Variants in ELF5 observed in about 807,000 individuals in gnomAD.
ELF5 encodes the protein ETS-related transcription factor Elf-5.
In ELF5, 31 loss-of-function variants were observed where a neutral mutation model predicts 38.2. The observed-to-expected ratio is 0.81, with a 90% confidence interval of 0.61 to 1.10. ELF5 has a LOEUF of 1.10. ELF5 is among the 50% of genes least tolerant of loss of function. The probability of loss-of-function intolerance (pLI) is 0.00; values close to 1 mark genes in which losing one functional copy is unlikely to be tolerated. For synonymous variants in ELF5, 121 were observed against 112.5 expected (o/e 1.08, Z -0.48); for missense variants, 300 against 306.6 (o/e 0.98, Z 0.16).
chr11:34,484,807 G>A (rs1849944519), intron 4 of ELF5, among the ~76,000 whole-genome samples: 1 of 152,024 alleles, frequency 6.6e-6, no homozygotes, highest in African/African-American at 2.4e-5. Context: ...CCTTCCCTTA[G>A]GTCAAATGGT....
At chr11:34,504,450 G>C (rs1038433440) in intron 2 of ELF5, among the ~76,000 whole-genome samples, 2 of 152,078 alleles carry the variant, frequency 1.3e-5, no homozygotes, top group African/African-American at 4.8e-5. Context: ...TGGGGTGGGG[G>C]CAGGTGTGGG....
intron 4 of ELF5, among the ~76,000 whole-genome samples, chr11:34,486,581 T>C (rs4755375): frequency 0.69 from 105,733 of 152,138 alleles, 37,169 homozygotes; most frequent in African/African-American, 0.77. Context: ...TGTGTGTGTG[T>C]GTGCATGTGT....
At chr11:34,501,044 T>A (rs80345696) in intron 2 of ELF5, among the ~76,000 whole-genome samples, 2,879 of 152,310 alleles carry the variant, frequency 0.019, 96 homozygotes, top group African/African-American at 0.066. Context: ...ATGTTACCCA[T>A]TTTACAAAGG....
At chr11:34,505,850 A>C (rs1181247074) in intron 1 of ELF5, 97 bp from the exon 2 acceptor site, 2 of 1,395,336 alleles carry the variant, frequency 1.4e-6, no homozygotes, top group African/African-American at 1.5e-5. Flanking sequence ...TGTTTTTTAA[A>C]AATGATAACA....
Position 34,480,074 on chromosome 11 carries a change from G to C in ELF5, c.*144C>G. 1 of 670,716 alleles carries C rather than the reference G, an allele frequency of 1.5e-6. No homozygotes were observed. Among genetic ancestry groups the C allele is most frequent in the South Asian group, 2.0e-5 (1 of 50,906 alleles). The allele number at this position is 670,716 out of a possible 1,614,324, so 41.5% of individuals were successfully genotyped here. A position where few individuals can be genotyped will look rare whatever the true frequency, so the allele number is the denominator to read the frequency against. On this transcript the variant is annotated 3_prime_UTR_variant, in exon 7 of 7. Transcript: ENST00000257832. ...ATAGACAACAACTCTGAATCCAAAT[G>C]TAAGCTGAGATGTGGAGAAATTTTA...
chr11:34,491,863 A>C (rs1850182385), intron 3 of ELF5: 2 of 152,206 alleles, frequency 1.3e-5, no homozygotes, highest in African/African-American at 4.8e-5. Flanking sequence ...GGCCTGAGCA[A>C]CTGTGCCTGG....
intron 3 of ELF5, chr11:34,492,226 A>C (rs143960895): frequency 6.6e-6 from 1 of 152,418 alleles, no homozygotes; most frequent in Non-Finnish European, 1.5e-5. Context: ...GGTCATTGTC[A>C]CTGGAGTTTT....
intron 2 of ELF5, among the ~76,000 whole-genome samples, chr11:34,504,849 G>A (rs1850567530): frequency 6.6e-6 from 1 of 152,176 alleles, no homozygotes; most frequent in African/African-American, 2.4e-5. Context: ...GAGAAATCCA[G>A]GCTGAGAAAG....
chr11:34,482,648 G>A (rs1856968298), intron 4 of ELF5, 149 bp from the exon 5 acceptor site: 3 of 602,704 alleles, frequency 5.0e-6, no homozygotes, highest in Non-Finnish European at 8.6e-6. Context: ...TAGGTGGCAG[G>A]TGTCAAGATG....
At chr11:34,512,583 AT>A (rs10647727) in intron 1 of ELF5, among the ~76,000 whole-genome samples, 24,488 of 148,642 alleles carry the variant, frequency 0.16, 2,352 homozygotes, top group Non-Finnish European at 0.22. Context: ...TAAAATGGGG[AT>A]TTTTTTTTTT....
At chr11:34,505,560 CG>C (rs1425908264) in intron 2 of ELF5, 68 bp downstream of exon 2, 9 of 1,598,230 alleles carry the variant, frequency 5.6e-6, no homozygotes, top group Non-Finnish European at 7.7e-6. Flanking sequence ...CTTCCACCTG[CG>C]GCCAGCACCA....
At chr11:34,490,979 G>A (rs1850157770) in intron 3 of ELF5, among the ~76,000 whole-genome samples, 1 of 152,122 alleles carries the variant, frequency 6.6e-6, no homozygotes, top group Admixed American at 6.5e-5. Context: ...AGTGTCCCCA[G>A]GTTGCTAGGC....
rs1036285725 is a variant in ELF5 at position 34,479,318 on chromosome 11, T to A, written c.*900A>T. 2 of 152,382 alleles carry A rather than the reference T, an allele frequency of 1.3e-5. No homozygotes were observed. The highest frequency in any genetic ancestry group is 6.8e-3 in the Middle Eastern group (2 of 294). 9.4% of individuals were successfully genotyped at this position (152,382 alleles called of 1,614,324 possible). A position where few individuals can be genotyped will look rare whatever the true frequency, so the allele number is the denominator to read the frequency against. On this transcript the variant is annotated 3_prime_UTR_variant, in exon 7 of 7. Transcript: ENST00000257832. ...TTGAATCACAGAAACAGCAGTGATT[T>A]TGTAATTGATGCCAGTGTCTGTTGA...
chr11:34,496,492 C>G (rs1223844044), intron 2 of ELF5, among the ~76,000 whole-genome samples: 1 of 152,248 alleles, frequency 6.6e-6, no homozygotes, highest in Non-Finnish European at 1.5e-5. Context: ...CTCTCCTGCT[C>G]TTCTCTTTCA....
At chr11:34,510,697 T>A (rs1850730894) in intron 1 of ELF5, among the ~76,000 whole-genome samples, 1 of 151,986 alleles carries the variant, frequency 6.6e-6, no homozygotes, top group Non-Finnish European at 1.5e-5. Flanking sequence ...AAAAACTGAG[T>A]TATTAATTAC....
intron 5 of ELF5, 42 bp downstream of exon 5, chr11:34,482,389 G>T: frequency 6.4e-7 from 1 of 1,567,256 alleles, no homozygotes; most frequent in Non-Finnish European, 8.8e-7. Flanking sequence ...TCTGAGGAAT[G>T]GTTTTAAGAA....
rs146657940 is a variant in ELF5 at position 34,506,046 on chromosome 11, A to G, written c.-4-293T>C. Among the ~76,000 whole-genome samples the G allele has an allele frequency of 2.2e-3, 338 of 152,294 alleles. 1 individual carries two copies. The highest frequency in any genetic ancestry group is 4.1e-3 in the Non-Finnish European group (278 of 68,028). ...GGACTGGAGCATGGAGGCTCTGATTATGCAATATTGCCTCTTTATTTATGT... is the reference window on the plus strand; with the variant it reads ...GGACTGGAGCATGGAGGCTCTGATTGTGCAATATTGCCTCTTTATTTATGT... On this transcript the variant is annotated intron_variant, in intron 1 of 6. Coordinates refer to ENST00000257832, the MANE Select transcript of ELF5 (RefSeq NM_001422.4).
chr11:34,509,137 C>T (rs1850688842), intron 1 of ELF5, among the ~76,000 whole-genome samples: 1 of 152,128 alleles, frequency 6.6e-6, no homozygotes, highest in African/African-American at 2.4e-5. Flanking sequence ...CGAGACCAGC[C>T]TGGACAACAT....
chr11:34,500,857 T>G (rs1271785185), intron 2 of ELF5, among the ~76,000 whole-genome samples: 4 of 150,542 alleles, frequency 2.7e-5, no homozygotes, highest in Non-Finnish European at 5.9e-5. Flanking sequence ...CTCTGACCAG[T>G]GGGTTTTGCA....
Sources: gnomAD v4.1 joint callset for allele counts (sites outside exome capture counted in the v4.1 genomes callset) on GRCh38, gnomAD v4.1.1 for gene constraint, MANE v1.5 for transcripts, NCBI Gene and HGNC (gene_info 2026-07-23, HGNC 2026-07-21) for gene names.